Variants in PRORP observed in about 807,000 individuals in gnomAD.
The protein encoded by PRORP is mitochondrial ribonuclease P catalytic subunit.
A neutral mutation model predicts 59.4 loss-of-function variants in PRORP; 51 were observed. That is an observed-to-expected ratio of 0.86 (90% confidence interval 0.69 to 1.08). The LOEUF (loss-of-function observed/expected upper bound fraction) is 1.08. Among genes scored for constraint, PRORP ranks in the 50% least tolerant of loss-of-function variants. The pLI, the probability that PRORP is intolerant of heterozygous loss-of-function variation, is 0.00. For missense variants in PRORP, 646 were observed against 690.3 expected (o/e 0.94, Z 0.72); for synonymous variants, 231 against 245.6 (o/e 0.94, Z 0.55).
intron 4 of PRORP, among the ~76,000 whole-genome samples, chr14:35,179,443 CCTCTTTTTT>C (rs2048541816): frequency 6.6e-6 from 1 of 152,032 alleles, no homozygotes; most frequent in African/African-American, 2.4e-5. Context: ...ATTTCTTTTT[CCTCTTTTTT>C]CTCTAAACTT....
At chr14:35,267,932 C>T (rs1257404478) in intron 6 of PRORP, among the ~76,000 whole-genome samples, 1 of 152,136 alleles carries the variant, frequency 6.6e-6, no homozygotes, top group Non-Finnish European at 1.5e-5. Context: ...TGCAGAGGAC[C>T]TTGCAGATCC....
At chr14:35,199,930 C>G (rs1197480787) in intron 5 of PRORP, among the ~76,000 whole-genome samples, 1 of 152,116 alleles carries the variant, frequency 6.6e-6, no homozygotes, top group African/African-American at 2.4e-5. Flanking sequence ...TTATGAAAGC[C>G]TCTGTTATAT....
At chr14:35,251,909 G>A (rs2050624738) in intron 5 of PRORP, among the ~76,000 whole-genome samples, 1 of 152,146 alleles carries the variant, frequency 6.6e-6, no homozygotes, top group African/African-American at 2.4e-5. Context: ...TGTAAGGATA[G>A]TGGAGGGGTC....
intron 5 of PRORP, among the ~76,000 whole-genome samples, chr14:35,189,822 C>G (rs1439053918): frequency 6.6e-6 from 1 of 152,020 alleles, no homozygotes; most frequent in Admixed American, 6.6e-5. Flanking sequence ...AAAAAATAAG[C>G]ATAGCAGGCT....
At chr14:35,138,271 C>T (rs2047415128) in intron 4 of PRORP, among the ~76,000 whole-genome samples, 3 of 145,788 alleles carry the variant, frequency 2.1e-5, no homozygotes, top group African/African-American at 4.9e-5. Context: ...CTTTAAAGGC[C>T]TATCTCCAAA....
chr14:35,230,565 T>C (rs1440441657), intron 5 of PRORP, among the ~76,000 whole-genome samples: 1 of 152,218 alleles, frequency 6.6e-6, no homozygotes, highest in African/African-American at 2.4e-5. Context: ...CGAGTACTTA[T>C]ATGTTAGGCA....
chr14:35,123,126 A>G lies in PRORP; in HGVS notation c.-120A>G. 1 of 1,030,404 alleles carries G rather than the reference A, an allele frequency of 9.7e-7. No homozygotes were observed. Among genetic ancestry groups the G allele is most frequent in the East Asian group, 2.4e-5 (1 of 41,564 alleles). The allele number at this position is 1,030,404 out of a possible 1,614,324, so 63.8% of individuals were successfully genotyped here. ...GATTTGTCTGTAAGGAAGAAACACA[A>G]ACCTTTTAAAAAGTTCCACTTCGAC... On this transcript the variant is annotated 5_prime_UTR_variant, in exon 2 of 8. Transcript: ENST00000534898.
intron 5 of PRORP, among the ~76,000 whole-genome samples, chr14:35,189,791 T>A (rs2048836309): frequency 6.6e-6 from 1 of 152,142 alleles, no homozygotes; most frequent in Non-Finnish European, 1.5e-5. Context: ...TTACCCAAAA[T>A]ACATGAGATA....
chr14:35,186,149 A>ATTTTTTT (rs34848889), intron 5 of PRORP, among the ~76,000 whole-genome samples: 2 of 131,440 alleles, frequency 1.5e-5, no homozygotes, highest in African/African-American at 2.9e-5. Flanking sequence ...AGTCCAGCTA[A>ATTTTTTT]TTTTTTTTTT....
chr14:35,161,325 C>T (rs1023040987), intron 4 of PRORP, among the ~76,000 whole-genome samples: 2 of 152,144 alleles, frequency 1.3e-5, no homozygotes, highest in African/African-American at 4.8e-5. Context: ...TCCTGAGGAA[C>T]GTAAGGCCCA....
At chr14:35,122,393 C>A (rs2046941107), upstream of PRORP, 1 of 176,438 alleles carries the variant, frequency 5.7e-6, no homozygotes. Context: ...TCCAGGTCCC[C>A]TGAATGTAGT....
chr14:35,216,747 A>G (rs2049607641), intron 5 of PRORP, among the ~76,000 whole-genome samples: 1 of 152,248 alleles, frequency 6.6e-6, no homozygotes, highest in Non-Finnish European at 1.5e-5. Context: ...GGGCTGTACC[A>G]TTCTACATTC....
intron 4 of PRORP, among the ~76,000 whole-genome samples, chr14:35,179,923 C>G (rs1273688571): frequency 6.6e-6 from 1 of 152,124 alleles, no homozygotes; most frequent in Non-Finnish European, 1.5e-5. Context: ...GTGTGGAAGT[C>G]CTTTCTGTTT....
chr14:35,150,089 G>A lies in PRORP; in HGVS notation c.1167+22478G>A, dbSNP rs916116226. 1.1e-4 allele frequency among the ~76,000 whole-genome samples: 16 copies of A among 152,216 alleles called. No homozygotes were observed. In the East Asian group the frequency reaches 2.5e-3, roughly 24 times the overall value. On this transcript the variant is annotated intron_variant, in intron 4 of 7. Transcript: ENST00000534898. ...TGGAACTTCTGGCCTCAAGTGATCCGCCTGCCTCGGCCTCCCAAAATGTTG... is the reference window on the plus strand; with the variant it reads ...TGGAACTTCTGGCCTCAAGTGATCCACCTGCCTCGGCCTCCCAAAATGTTG...
intron 4 of PRORP, among the ~76,000 whole-genome samples, chr14:35,173,361 C>T (rs1465942642): frequency 6.6e-6 from 1 of 152,170 alleles, no homozygotes; most frequent in Non-Finnish European, 1.5e-5. Flanking sequence ...CTTCTTTAGA[C>T]TTAGACTCCA....
At chr14:35,121,933 C>T (rs2046917503), upstream of PRORP, 3 of 1,614,086 alleles carry the variant, frequency 1.9e-6, no homozygotes, top group South Asian at 1.1e-5. Flanking sequence ...TCGCTAGGCG[C>T]CGACGAAGAA....
chr14:35,197,461 C>A (rs2049037159), intron 5 of PRORP, among the ~76,000 whole-genome samples: 1 of 152,124 alleles, frequency 6.6e-6, no homozygotes, highest in Non-Finnish European at 1.5e-5. Flanking sequence ...ACACTTTAAT[C>A]ATAATTTTCT....
At chr14:35,214,512 A>G (rs2049535825) in intron 5 of PRORP, among the ~76,000 whole-genome samples, 1 of 152,220 alleles carries the variant, frequency 6.6e-6, no homozygotes, top group African/African-American at 2.4e-5. Context: ...TATATAAGTT[A>G]TCTATTACTC....
chr14:35,212,311 A>G (rs138750484), intron 5 of PRORP, among the ~76,000 whole-genome samples: 4 of 152,278 alleles, frequency 2.6e-5, no homozygotes, highest in African/African-American at 9.6e-5. Flanking sequence ...TGAATCATGA[A>G]TGTTCTTGCT....
Sources: allele counts gnomAD v4.1 joint callset (sites outside exome capture counted in the v4.1 genomes callset), GRCh38; gene constraint gnomAD v4.1.1; transcripts MANE v1.5; gene names NCBI Gene and HGNC (gene_info 2026-07-23, HGNC 2026-07-21).